Variants in ASCC3 observed in about 807,000 individuals in gnomAD.
The protein encoded by ASCC3 is ASC-1 complex subunit P200.
In ASCC3, 158 loss-of-function variants were observed where a neutral mutation model predicts 256.3. That is an observed-to-expected ratio of 0.62 (90% CI 0.54 to 0.70). The LOEUF is 0.70. Among genes scored for constraint, ASCC3 ranks in the 30% least tolerant of loss-of-function variants. ASCC3 has a pLI of 0.00. For synonymous variants in ASCC3, 948 were observed against 883.4 expected, an observed-to-expected ratio of 1.07 and a Z score of -1.30; for missense variants, 2,259 against 2,626.0, an observed-to-expected ratio of 0.86 and a Z score of 3.05.
At chr6:100,616,455 A>T (rs1289991161) in intron 30 of ASCC3, among the ~76,000 whole-genome samples, 5 of 152,242 alleles carry the variant, frequency 3.3e-5, no homozygotes, top group African/African-American at 9.6e-5. Context: ...ACATTCAAAA[A>T]ATAATGTTCT....
At chr6:100,522,689 C>T (rs763795067) in intron 37 of ASCC3, among the ~76,000 whole-genome samples, 2 of 151,778 alleles carry the variant, frequency 1.3e-5, no homozygotes, top group Non-Finnish European at 2.9e-5. Flanking sequence ...CTGAAATAGT[C>T]GTGATTAGGA....
intron 4 of ASCC3, among the ~76,000 whole-genome samples, chr6:100,834,127 G>GA (rs1771763054): frequency 6.6e-6 from 1 of 152,200 alleles, no homozygotes; most frequent in East Asian, 1.9e-4. Context: ...AATCTTTGTG[G>GA]AAAAAATGAA....
At chr6:100,837,890 A>G (rs1771954664) in intron 4 of ASCC3, among the ~76,000 whole-genome samples, 1 of 152,124 alleles carries the variant, frequency 6.6e-6, no homozygotes, top group Non-Finnish European at 1.5e-5. Flanking sequence ...AGGATTTTTA[A>G]TGTAAAAAAG....
chr6:100,548,506 T>C (rs562461746), intron 36 of ASCC3, among the ~76,000 whole-genome samples: 2 of 151,948 alleles, frequency 1.3e-5, no homozygotes, highest in Non-Finnish European at 2.9e-5. Context: ...TTAATAAATA[T>C]TTTTGAGTAT....
At chr6:100,673,677 C>A (rs983395498) in intron 14 of ASCC3, among the ~76,000 whole-genome samples, 3 of 152,154 alleles carry the variant, frequency 2.0e-5, no homozygotes, top group Non-Finnish European at 2.9e-5. Context: ...AACACATGGG[C>A]CACAACAATG....
intron 37 of ASCC3, among the ~76,000 whole-genome samples, chr6:100,518,677 A>G (rs1280620238): frequency 6.6e-6 from 1 of 152,164 alleles, no homozygotes; most frequent in Non-Finnish European, 1.5e-5. Context: ...TGCTAGTGGT[A>G]CATGTGGAAT....
At chr6:100,659,093 T>C (rs1026287175) in intron 16 of ASCC3, among the ~76,000 whole-genome samples, 4 of 151,374 alleles carry the variant, frequency 2.6e-5, no homozygotes, top group African/African-American at 9.7e-5. Flanking sequence ...TAACTTAATA[T>C]AATAATTTCT....
At chr6:100,558,798 G>T (rs1312911903) in intron 36 of ASCC3, among the ~76,000 whole-genome samples, 4 of 152,078 alleles carry the variant, frequency 2.6e-5, no homozygotes, top group Admixed American at 2.6e-4. Context: ...TCTTAGACTT[G>T]CTTGCTTTCA....
At chr6:100,610,666 A>C (rs1177019115) in intron 30 of ASCC3, among the ~76,000 whole-genome samples, 1 of 152,152 alleles carries the variant, frequency 6.6e-6, no homozygotes, top group Non-Finnish European at 1.5e-5. Context: ...TTGGCCACCT[A>C]GTATTCTTGT....
In ASCC3 at chr6:100,723,533, G is replaced by T. The variant is rs151280776; in HGVS notation, c.1902+2006C>A. ...TACAAAATGAAAAACAAACACTTTC[G>T]AACTTTTAAAAAATACATTATGTCA... On this transcript the variant is annotated intron_variant, in intron 11 of 41. Coordinates refer to ENST00000369162, the MANE Select transcript of ASCC3 (RefSeq NM_006828.4). 2.0e-5 allele frequency among the ~76,000 whole-genome samples: 3 copies of T among 151,320 alleles called. No individual in the cohort carries two copies. The East Asian group carries it at 5.8e-4, about 29-fold the overall frequency.
intron 1 of ASCC3, among the ~76,000 whole-genome samples, chr6:100,875,298 T>C (rs867503807): frequency 5.9e-5 from 9 of 152,144 alleles, no homozygotes; most frequent in Non-Finnish European, 5.9e-5. Flanking sequence ...TTAGGAAATG[T>C]TGAAGAGTGG....
chr6:100,642,532 C>T (rs1406843325), intron 24 of ASCC3, 49 bp downstream of exon 24: 1 of 1,595,080 alleles, frequency 6.3e-7, no homozygotes, highest in South Asian at 1.1e-5. Flanking sequence ...TTAATTAAAA[C>T]AACCATTTTG....
chr6:100,856,501 C>A (rs1287884558), intron 3 of ASCC3: 1 of 804,102 alleles, frequency 1.2e-6, no homozygotes, highest in African/African-American at 1.9e-5. Flanking sequence ...TTGAATATAA[C>A]AAGAAAATAT....
chr6:100,646,575 A>G (rs374829129), intron 22 of ASCC3, 40 bp downstream of exon 22: 97 of 1,607,728 alleles, frequency 6.0e-5, no homozygotes, highest in Non-Finnish European at 7.6e-5. Context: ...TAGTACAGAT[A>G]TTTTTGTTTA....
chr6:100,530,411 C>A (rs1774809495), intron 37 of ASCC3: 3 of 1,013,142 alleles, frequency 3.0e-6, no homozygotes, highest in Non-Finnish European at 4.7e-6. Flanking sequence ...ATAATTTTTT[C>A]CAAAATCCTG....
chr6:100,561,802 A>G (rs527480578), intron 36 of ASCC3, among the ~76,000 whole-genome samples: 1 of 152,246 alleles, frequency 6.6e-6, no homozygotes, highest in East Asian at 1.9e-4. Flanking sequence ...ATACTGTTTA[A>G]TAAATAACAG....
chr6:100,727,807 A>G (rs1779709624), intron 10 of ASCC3, among the ~76,000 whole-genome samples: 1 of 152,100 alleles, frequency 6.6e-6, no homozygotes, highest in Admixed American at 6.6e-5. Flanking sequence ...AAGAGAAATA[A>G]ATCAAAATAG....
Position 100,755,561 on chromosome 6 carries a change from T to C in ASCC3, c.1737+11004A>G, listed in dbSNP as rs149133188. ...ATTGACATGAATTAGGAATCACTCT[T>C]AAAGATCAGACTACATGACCATCTG... On this transcript the variant is annotated intron_variant, in intron 10 of 41. Coordinates refer to ENST00000369162, the MANE Select transcript of ASCC3 (RefSeq NM_006828.4). Among the ~76,000 whole-genome samples the C allele has an allele frequency of 3.1e-3, 465 of 152,216 alleles. 3 individuals are homozygous for C. The highest frequency in any genetic ancestry group is 0.011 in the African/African-American group (442 of 41,524).
At chr6:100,802,912 A>AT (rs1394712698) in intron 5 of ASCC3, among the ~76,000 whole-genome samples, 1 of 151,816 alleles carries the variant, frequency 6.6e-6, no homozygotes. Context: ...GGAGGCTGAG[A>AT]TGAGAGGATT....
Sources: allele counts gnomAD v4.1 joint callset (sites outside exome capture counted in the v4.1 genomes callset), GRCh38; gene constraint gnomAD v4.1.1; transcripts MANE v1.5; gene names NCBI Gene and HGNC (gene_info 2026-07-23, HGNC 2026-07-21).